Variants in PM20D2 observed in about 807,000 individuals in gnomAD.
PM20D2 encodes the protein peptidase M20 domain containing 2.
A neutral mutation model predicts 42.9 loss-of-function variants in PM20D2; 33 were observed. The observed-to-expected ratio is 0.77, with a 90% CI of 0.58 to 1.03. The LOEUF is 1.03. Among genes scored for constraint, PM20D2 ranks in the 50% least tolerant of loss-of-function variants. The pLI, the probability that PM20D2 is intolerant of heterozygous loss-of-function variation, is 0.00. For synonymous variants in PM20D2, 250 were observed against 228.2 expected (o/e 1.10, Z -0.86); for missense variants, 548 against 557.0 (o/e 0.98, Z 0.16).
At chr6:89,126,156 A>G in the PM20D2 span, among the ~76,000 whole-genome samples, 1 of 151,534 alleles carries the variant, frequency 6.6e-6, no homozygotes, top group Admixed American at 6.6e-5. Flanking sequence ...GCACTTTGGG[A>G]GGCCAAGGCA....
chr6:89,112,447 C>CTTTTTTTTTTTTTTTTT, the PM20D2 span, among the ~76,000 whole-genome samples: 1 of 128,880 alleles, frequency 7.8e-6, no homozygotes, highest in Non-Finnish European at 1.7e-5. Context: ...TCTTTTCTTT[C>CTTTTTTTTTTTTTTTTT]TTTTTTTTTT....
chr6:89,156,300 T>C (rs769109158), intron 4 of PM20D2, among the ~76,000 whole-genome samples: 3 of 152,194 alleles, frequency 2.0e-5, no homozygotes, highest in South Asian at 2.1e-4. Flanking sequence ...TGTAGTCTAG[T>C]TGGAGAGACA....
At chr6:89,147,852 C>T (rs1255256855) in intron 1 of PM20D2, among the ~76,000 whole-genome samples, 1 of 151,178 alleles carries the variant, frequency 6.6e-6, no homozygotes, top group Non-Finnish European at 1.5e-5. Flanking sequence ...GACATCGCGC[C>T]ACTGCACTCC....
chr6:89,119,266 A>C, the PM20D2 span, among the ~76,000 whole-genome samples: 140 of 152,340 alleles, frequency 9.2e-4, 1 homozygote, highest in African/African-American at 3.2e-3. Flanking sequence ...ACTGGTAAAG[A>C]TACAAACTAT....
upstream of PM20D2, among the ~76,000 whole-genome samples, chr6:89,145,747 T>C (rs1336385633): frequency 1.3e-5 from 2 of 152,218 alleles, no homozygotes; most frequent in East Asian, 1.9e-4. Flanking sequence ...GAGGACTGTG[T>C]TCCACTTGGT....
the PM20D2 span, among the ~76,000 whole-genome samples, chr6:89,101,567 C>T: frequency 1.3e-5 from 2 of 151,962 alleles, no homozygotes; most frequent in African/African-American, 4.8e-5. Context: ...ACTAAAAATA[C>T]AAAAATTAGC....
the PM20D2 span, among the ~76,000 whole-genome samples, chr6:89,118,901 ATGT>A: frequency 3.3e-5 from 5 of 152,116 alleles, no homozygotes; most frequent in African/African-American, 4.8e-5. Context: ...TTCCCCCAAA[ATGT>A]TGTAGCCCAT....
intron 4 of PM20D2, among the ~76,000 whole-genome samples, chr6:89,155,469 T>C (rs543859499): frequency 6.6e-6 from 1 of 151,606 alleles, no homozygotes; most frequent in South Asian, 2.1e-4. Context: ...TTGTATGTTT[T>C]TCTGGAGACA....
chr6:89,109,295 A>C, the PM20D2 span, among the ~76,000 whole-genome samples: 307 of 152,342 alleles, frequency 2.0e-3, 2 homozygotes, highest in Middle Eastern at 0.014. Flanking sequence ...CTGAAGGTTA[A>C]GAATCACTGC....
At chr6:89,160,050 G>T (rs925372740) in intron 5 of PM20D2, among the ~76,000 whole-genome samples, 10 of 151,348 alleles carry the variant, frequency 6.6e-5, no homozygotes, top group Non-Finnish European at 1.0e-4. Context: ...TATGCAACAG[G>T]TTTTTTTTTG....
At chr6:89,105,978 A>C in the PM20D2 span, 1 of 152,294 alleles carries the variant, frequency 6.6e-6, no homozygotes, top group East Asian at 1.9e-4. Context: ...TTACTCTTTC[A>C]TTAAAAGGCT....
At chr6:89,095,287 A>G in the PM20D2 span, among the ~76,000 whole-genome samples, 2 of 152,190 alleles carry the variant, frequency 1.3e-5, no homozygotes, top group African/African-American at 4.8e-5. Context: ...GTATAGTGAC[A>G]CCATCTCGGC....
At chr6:89,112,842 G>C in the PM20D2 span, among the ~76,000 whole-genome samples, 2 of 152,216 alleles carry the variant, frequency 1.3e-5, no homozygotes, top group African/African-American at 4.8e-5. Flanking sequence ...TAACAAAGCT[G>C]TCCTAGACAG....
the PM20D2 span, among the ~76,000 whole-genome samples, chr6:89,113,889 C>T: frequency 2.2e-4 from 33 of 152,184 alleles, no homozygotes; most frequent in South Asian, 6.2e-4. Flanking sequence ...GTGATCTACC[C>T]ACCTCAGCCT....
At chr6:89,131,131 T>C in the PM20D2 span, among the ~76,000 whole-genome samples, 1 of 152,078 alleles carries the variant, frequency 6.6e-6, no homozygotes, top group East Asian at 1.9e-4. Flanking sequence ...AGTGCTAATA[T>C]GCTAGCTGAG....
At chr6:89,148,628 A>G in intron 1 of PM20D2, 1 of 889,872 alleles carries the variant, frequency 1.1e-6, no homozygotes, top group Non-Finnish European at 1.3e-6. Context: ...GACTTGTTTA[A>G]TGTTCTTCAT....
the PM20D2 span, chr6:89,117,769 G>A: frequency 9.7e-5 from 146 of 1,498,798 alleles, no homozygotes; most frequent in South Asian, 2.5e-5. Context: ...TCCGCGGCGC[G>A]GCTGTTACCC....
the PM20D2 span, among the ~76,000 whole-genome samples, chr6:89,140,643 A>T: frequency 6.6e-6 from 1 of 152,228 alleles, no homozygotes; most frequent in East Asian, 1.9e-4. Flanking sequence ...AAGCTGGGTT[A>T]CGTCTTTGCA....
the PM20D2 span, among the ~76,000 whole-genome samples, chr6:89,123,395 T>C: frequency 6.6e-6 from 1 of 152,192 alleles, no homozygotes; most frequent in African/African-American, 2.4e-5. Context: ...AAAAGAAAGC[T>C]CTATCACCAA....
Sources: gnomAD v4.1 joint callset for allele counts (sites outside exome capture counted in the v4.1 genomes callset) on GRCh38, gnomAD v4.1.1 for gene constraint, MANE v1.5 for transcripts, NCBI Gene and HGNC (gene_info 2026-07-23, HGNC 2026-07-21) for gene names.